Variants in SESTD1 observed in about 807,000 individuals in gnomAD.
SESTD1 encodes SEC14 and spectrin domain containing 1.
Under a neutral mutation model 101.7 loss-of-function variants are expected in SESTD1, and 43 were observed. The ratio of observed to expected loss-of-function variants is 0.42; its 90% CI spans 0.33 to 0.55. The LOEUF is 0.55. Among genes scored for constraint, SESTD1 ranks in the 20% least tolerant of loss-of-function variants. The probability of loss-of-function intolerance (pLI) is 0.07; values close to 1 mark genes in which losing one functional copy is unlikely to be tolerated. For missense variants in SESTD1, 647 were observed against 815.1 expected, an observed-to-expected ratio of 0.79 and a Z score of 2.51; for synonymous variants, 283 against 286.8, an observed-to-expected ratio of 0.99 and a Z score of 0.13.
At chr2:179,168,732 A>T (rs372831089) in intron 5 of SESTD1, among the ~76,000 whole-genome samples, 210 of 152,390 alleles carry the variant, frequency 1.4e-3, no homozygotes, top group African/African-American at 5.0e-3. Context: ...GGCATAAATG[A>T]AAGTAAATAT....
rs571411893 is a variant in SESTD1 at position 179,156,296 on chromosome 2, C to T, written c.370-4905G>A. Among the ~76,000 whole-genome samples, 258 of 152,216 alleles carry T rather than the reference C, an allele frequency of 1.7e-3. 2 individuals are homozygous for T. The highest frequency in any genetic ancestry group is 3.4e-3 in the Middle Eastern group (1 of 294). On this transcript the variant is annotated intron_variant, in intron 5 of 17. Transcript: ENST00000428443. Reference sequence around the variant, plus strand: ...TGTGAATTGTGCTGCTATAAACACGCATGTTCAAGTATCTTTTTCGTATAA... The same window carrying T: ...TGTGAATTGTGCTGCTATAAACACGTATGTTCAAGTATCTTTTTCGTATAA...
chr2:179,150,307 C>A (rs1206584568), intron 6 of SESTD1, among the ~76,000 whole-genome samples: 1 of 151,664 alleles, frequency 6.6e-6, no homozygotes, highest in Non-Finnish European at 1.5e-5. Flanking sequence ...ATTATTTAAT[C>A]TAAAATGAGT....
chr2:179,257,161 A>G (rs926301820), intron 1 of SESTD1, among the ~76,000 whole-genome samples: 8 of 151,814 alleles, frequency 5.3e-5, no homozygotes, highest in African/African-American at 1.7e-4. Context: ...ATCTCATTCT[A>G]TGTCATAGAA....
chr2:179,149,023 G>T (rs1488652413), intron 7 of SESTD1, among the ~76,000 whole-genome samples: 2 of 119,860 alleles, frequency 1.7e-5, no homozygotes, highest in African/African-American at 3.1e-5. Context: ...TAGCGCCACT[G>T]CACTCCAGCC....
intron 5 of SESTD1, among the ~76,000 whole-genome samples, chr2:179,164,731 C>T (rs1413524154): frequency 1.3e-5 from 2 of 151,908 alleles, no homozygotes; most frequent in African/African-American, 4.8e-5. Context: ...AAGGAGGTTA[C>T]CTAGAAGAAA....
rs568296579 is a variant in SESTD1, at chr2:179,104,972, A to G, written c.*4927T>C. ...TAAAATTCTGCAGTAATGTTGAGTC[A>G]TATTAAGTGTCATACCCATGAACTT... is the stretch of plus-strand genomic sequence containing the variant. On this transcript the variant is annotated 3_prime_UTR_variant, in exon 18 of 18. Coordinates refer to ENST00000428443, the MANE Select transcript of SESTD1 (RefSeq NM_178123.5). The G allele has an allele frequency of 6.6e-6, 1 of 152,106 alleles. No individual in the cohort carries two copies. Among genetic ancestry groups the G allele is most frequent in the Non-Finnish European group, 1.5e-5 (1 of 68,020 alleles). 9.4% of individuals were successfully genotyped at this position (152,106 alleles called of 1,614,324 possible).
chr2:179,182,752 T>C (rs1029085399), intron 3 of SESTD1, among the ~76,000 whole-genome samples: 1 of 152,138 alleles, frequency 6.6e-6, no homozygotes, highest in Non-Finnish European at 1.5e-5. Flanking sequence ...TATGGTGAAA[T>C]AGCTTACCTA....
chr2:179,255,786 CAAGA>C (rs1177511244), intron 1 of SESTD1, among the ~76,000 whole-genome samples: 1 of 152,184 alleles, frequency 6.6e-6, no homozygotes, highest in Non-Finnish European at 1.5e-5. Flanking sequence ...ACTTTCATAG[CAAGA>C]GAGAAGTAAA....
At chr2:179,112,026 T>C (rs1025199372) in intron 17 of SESTD1, among the ~76,000 whole-genome samples, 3 of 152,200 alleles carry the variant, frequency 2.0e-5, no homozygotes, top group African/African-American at 4.8e-5. Flanking sequence ...GCTGAAGCTC[T>C]TCCTGATTCT....
At chr2:179,118,358 T>C (rs1490681349) in intron 13 of SESTD1, among the ~76,000 whole-genome samples, 2 of 152,202 alleles carry the variant, frequency 1.3e-5, no homozygotes, top group African/African-American at 4.8e-5. Flanking sequence ...ATTTAAATTT[T>C]TAAGGCAACT....
chr2:179,201,752 A>C (rs2046518314), intron 1 of SESTD1, among the ~76,000 whole-genome samples: 1 of 122,234 alleles, frequency 8.2e-6, no homozygotes, highest in Non-Finnish European at 1.7e-5. Context: ...GAAGGGGAAC[A>C]TCACACTCTG....
rs2046189302 is a variant in SESTD1, at chr2:179,185,150, A to C, written c.56-1962T>G. Reference sequence around the variant, plus strand: ...CTTGGAGGGCAATCTGACAAAACCTAACACAAATATAAATGCATATTATCC... The same window carrying C: ...CTTGGAGGGCAATCTGACAAAACCTCACACAAATATAAATGCATATTATCC... On this transcript the variant is annotated intron_variant, in intron 2 of 17. Coordinates refer to ENST00000428443, the MANE Select transcript of SESTD1 (RefSeq NM_178123.5). Among the ~76,000 whole-genome samples the C allele has an allele frequency of 2.0e-5, 3 of 152,078 alleles. No homozygotes were observed. In the South Asian group the frequency reaches 6.2e-4, roughly 32 times the overall value.
rs1319453823 is a variant in SESTD1 at position 179,161,522 on chromosome 2, G to C, written c.370-10131C>G. Among the ~76,000 whole-genome samples, 4 of 152,142 alleles carry C rather than the reference G, an allele frequency of 2.6e-5. No homozygotes were observed. In the South Asian group the frequency reaches 8.3e-4, roughly 32 times the overall value. ...CTAAAAATGCAAAAATGTGCTGGGCGTGGTGGCACATGCCTGCAGTCCCAG... is the reference window on the plus strand; with the variant it reads ...CTAAAAATGCAAAAATGTGCTGGGCCTGGTGGCACATGCCTGCAGTCCCAG... On this transcript the variant is annotated intron_variant, in intron 5 of 17. Coordinates refer to ENST00000428443, the MANE Select transcript of SESTD1 (RefSeq NM_178123.5).
intron 15 of SESTD1, among the ~76,000 whole-genome samples, chr2:179,115,592 A>G (rs2044611991): frequency 6.6e-6 from 1 of 151,952 alleles, no homozygotes; most frequent in Non-Finnish European, 1.5e-5. Flanking sequence ...TAAAAAAATG[A>G]AAAAAATTAG....
intron 13 of SESTD1, among the ~76,000 whole-genome samples, chr2:179,120,419 G>A (rs1197401282): frequency 2.0e-5 from 3 of 152,152 alleles, no homozygotes; most frequent in Admixed American, 6.5e-5. Context: ...ATTAAAGAAA[G>A]TAATTCAAGT....
At chr2:179,157,614 T>C (rs2045656355) in intron 5 of SESTD1, among the ~76,000 whole-genome samples, 1 of 152,182 alleles carries the variant, frequency 6.6e-6, no homozygotes, top group Non-Finnish European at 1.5e-5. Context: ...CATTGGTCTA[T>C]GTGACTATTT....
At chr2:179,197,418 A>G (rs2105504021) in intron 1 of SESTD1, among the ~76,000 whole-genome samples, 2 of 152,348 alleles carry the variant, frequency 1.3e-5, no homozygotes, top group Middle Eastern at 6.8e-3. Flanking sequence ...TCCCCAATCT[A>G]GCAAGGCAGG....
Position 179,107,605 on chromosome 2 carries a change from AAGAAT to A in SESTD1, c.*2289_*2293del, listed in dbSNP as rs545146488. 1 of 152,176 alleles carries A rather than the reference AAGAAT, an allele frequency of 6.6e-6. No homozygotes were observed. Among genetic ancestry groups the A allele is most frequent in the South Asian group, 2.1e-4 (1 of 4,828 alleles). The allele number at this position is 152,176 out of a possible 1,614,324, so 9.4% of individuals were successfully genotyped here. On this transcript the variant is annotated 3_prime_UTR_variant, in exon 18 of 18. Coordinates refer to ENST00000428443, the MANE Select transcript of SESTD1 (RefSeq NM_178123.5). ...TAAAGTAGTTAGTATCTAAGAATCT[AAGAAT>A]AGATTCACTTGTAAGTCAGTTCTAA...
intron 6 of SESTD1, among the ~76,000 whole-genome samples, chr2:179,149,681 C>T (rs567582161): frequency 2.6e-5 from 4 of 152,238 alleles, no homozygotes; most frequent in South Asian, 2.1e-4. Flanking sequence ...ACATTTGCAT[C>T]GATAACAGTT....
Sources: allele counts gnomAD v4.1 joint callset (sites outside exome capture counted in the v4.1 genomes callset), GRCh38; gene constraint gnomAD v4.1.1; transcripts MANE v1.5; gene names NCBI Gene and HGNC (gene_info 2026-07-23, HGNC 2026-07-21).